Variants in SCAF4 observed in about 807,000 individuals in gnomAD.
The protein encoded by SCAF4 is SR-related and CTD-associated factor 4.
Under a neutral mutation model 129.8 loss-of-function variants are expected in SCAF4, and 25 were observed. The observed-to-expected ratio is 0.19, with a 90% CI of 0.14 to 0.27. The LOEUF (loss-of-function observed/expected upper bound fraction) is 0.27. Among genes scored for constraint, SCAF4 ranks in the 10% least tolerant of loss-of-function variants. SCAF4 has a pLI of 1.00. For synonymous variants in SCAF4, 551 were observed against 497.7 expected (o/e 1.11, Z -1.43); for missense variants, 1,246 against 1,457.1 (o/e 0.86, Z 2.36).
At chr21:31,683,555 T>TA (rs1273762652) in intron 19 of SCAF4, among the ~76,000 whole-genome samples, 1 of 152,092 alleles carries the variant, frequency 6.6e-6, no homozygotes, top group African/African-American at 2.4e-5. Context: ...TTAAACCCAG[T>TA]AAAAAACACA....
In SCAF4 at chr21:31,696,583, A is replaced by T; in HGVS notation, c.945T>A (p.Pro315=). The T allele has an allele frequency of 6.3e-7, 1 of 1,580,368 alleles. No homozygotes were observed. The highest frequency in any genetic ancestry group is 8.6e-7 in the Non-Finnish European group (1 of 1,167,046). The change falls in exon 8 of 20, where the codon CCT becomes CCA. Residue 315 remains proline (P), a synonymous_variant. Transcript: ENST00000286835. Reference sequence around the variant, plus strand: ...AAAAAACTAACAATGGTGCCTGTGGAGGAGGAGGAGAGGCAGCAGCGGGTG... The same window carrying T: ...AAAAAACTAACAATGGTGCCTGTGGTGGAGGAGGAGAGGCAGCAGCGGGTG... The part of the protein sequence containing the change: ...AAAPAAASPP[P]PQAPFGFPGD...
chr21:31,701,015 G>T lies in SCAF4; in HGVS notation c.757C>A (p.Gln253Lys). 1 of 1,614,110 alleles carries T rather than the reference G, an allele frequency of 6.2e-7. No homozygotes were observed. The highest frequency in any genetic ancestry group is 8.5e-7 in the Non-Finnish European group (1 of 1,180,002). The change falls in exon 7 of 20, where the codon CAG (glutamine) becomes AAG (lysine). Residue 253 changes from glutamine (Q) to lysine (K), a missense_variant. Physicochemically the swap from Gln to Lys is moderately conservative, Grantham distance 53. Transcript: ENST00000286835. ...EQKAAFPPPE[Q>K]KTAFDKKLLD... The stretch of plus-strand genomic sequence containing the variant: ...TATACCTTGTCAAATGCAGTTTTCT[G>T]TTCAGGTGGGGGGAAAGCAGCTTTT...
chr21:31,672,831 G>GA (rs1269128745), intron 19 of SCAF4, among the ~76,000 whole-genome samples: 2 of 152,152 alleles, frequency 1.3e-5, no homozygotes, highest in African/African-American at 4.8e-5. Flanking sequence ...GAAAACCCAG[G>GA]AAAGAGGAAG....
chr21:31,707,907 G>A (rs1009487815), intron 1 of SCAF4, among the ~76,000 whole-genome samples: 4 of 152,098 alleles, frequency 2.6e-5, no homozygotes, highest in African/African-American at 9.7e-5. Flanking sequence ...TACTTAAGCA[G>A]AAAATATAAT....
intron 7 of SCAF4, 102 bp downstream of exon 7, chr21:31,700,893 C>T (rs777878985): frequency 2.2e-5 from 27 of 1,253,762 alleles, no homozygotes; most frequent in African/African-American, 2.9e-5. Context: ...AATTACAAAA[C>T]GACATAATGA....
chr21:31,708,247 G>T (rs1435480387), intron 1 of SCAF4, among the ~76,000 whole-genome samples: 2 of 151,914 alleles, frequency 1.3e-5, no homozygotes, highest in Non-Finnish European at 2.9e-5. Flanking sequence ...ATGGTGGCGG[G>T]CACCTGTAGT....
intron 7 of SCAF4, among the ~76,000 whole-genome samples, chr21:31,697,170 T>C (rs2050408104): frequency 6.6e-6 from 1 of 151,946 alleles, no homozygotes; most frequent in Non-Finnish European, 1.5e-5. Flanking sequence ...ATAATGCATA[T>C]AGAAAAGTGT....
Position 31,681,230 on chromosome 21 carries a change from T to G in SCAF4, c.2488+3819A>C, listed in dbSNP as rs571501030. On this transcript the variant is annotated intron_variant, in intron 19 of 19. Coordinates refer to ENST00000286835, the MANE Select transcript of SCAF4 (RefSeq NM_020706.2). ...GGTGGTAATCTCTTCATATTGATAA[T>G]TAATGAATAAACATACTTGTCAAGA... Among the ~76,000 whole-genome samples the G allele has an allele frequency of 5.9e-5, 9 of 152,340 alleles. No individual in the cohort carries two copies. The South Asian group carries it at 1.9e-3, about 32-fold the overall frequency.
rs1378955195 is a variant in SCAF4, at chr21:31,671,225, TTTG to T, written c.*171_*173del. On this transcript the variant is annotated 3_prime_UTR_variant, in exon 20 of 20. Transcript: ENST00000286835. Reference sequence around the variant, plus strand: ...ATATTTATTCATATTTTCAGTATTTTTTGTTATTTTGTGGCTATTTTTAAATAG... The same window carrying T: ...ATATTTATTCATATTTTCAGTATTTTTTATTTTGTGGCTATTTTTAAATAG... 4 of 533,008 alleles carry T rather than the reference TTTG, an allele frequency of 7.5e-6. No individual in the cohort carries two copies. Among genetic ancestry groups the T allele is most frequent in the African/African-American group, 3.8e-5 (2 of 52,676 alleles). 33.0% of individuals were successfully genotyped at this position (533,008 alleles called of 1,614,324 possible).
intron 16 of SCAF4, among the ~76,000 whole-genome samples, chr21:31,686,142 G>T (rs942746519): frequency 6.7e-6 from 1 of 149,438 alleles, no homozygotes; most frequent in Non-Finnish European, 1.5e-5. Context: ...GGTGGAGGTT[G>T]CAGTGAGCCG....
intron 1 of SCAF4, among the ~76,000 whole-genome samples, chr21:31,711,509 C>T (rs1365213652): frequency 1.3e-5 from 2 of 152,198 alleles, no homozygotes; most frequent in Non-Finnish European, 2.9e-5. Context: ...TATGGTGAGG[C>T]AGATGTTATC....
chr21:31,695,763 T>C (rs2050370413), intron 9 of SCAF4, among the ~76,000 whole-genome samples: 1 of 152,206 alleles, frequency 6.6e-6, no homozygotes, highest in Admixed American at 6.5e-5. Flanking sequence ...TCCTGAATGT[T>C]CAGAGCTCAG....
intron 1 of SCAF4, among the ~76,000 whole-genome samples, chr21:31,723,640 G>GCA (rs2051133091): frequency 6.6e-6 from 1 of 151,466 alleles, no homozygotes; most frequent in African/African-American, 2.4e-5. Context: ...GCGCGCGCGC[G>GCA]CGCGCGCACA....
At chr21:31,707,171 T>C (rs1269450239) in intron 1 of SCAF4, among the ~76,000 whole-genome samples, 1 of 152,086 alleles carries the variant, frequency 6.6e-6, no homozygotes, top group Admixed American at 6.6e-5. Flanking sequence ...TTACTTTTTA[T>C]ATCCTATAAT....
At chr21:31,689,730 C>T (rs1381512546) in intron 15 of SCAF4, among the ~76,000 whole-genome samples, 36 of 150,736 alleles carry the variant, frequency 2.4e-4, no homozygotes, top group African/African-American at 8.3e-4. Flanking sequence ...GTCAGGAGTT[C>T]GAGGCCAGCC....
At chr21:31,711,170 G>GTGCATT (rs1359394507) in intron 1 of SCAF4, among the ~76,000 whole-genome samples, 1 of 152,104 alleles carries the variant, frequency 6.6e-6, no homozygotes, top group Non-Finnish European at 1.5e-5. Context: ...ATTTCAAGCT[G>GTGCATT]TGCATTTGCA....
intron 7 of SCAF4, among the ~76,000 whole-genome samples, chr21:31,698,900 T>A (rs1441580487): frequency 6.6e-6 from 1 of 152,234 alleles, no homozygotes; most frequent in South Asian, 2.1e-4. Flanking sequence ...AAGATAAATC[T>A]ATCTTTCATT....
chr21:31,713,879 T>C (rs1179385616), intron 1 of SCAF4, among the ~76,000 whole-genome samples: 1 of 152,166 alleles, frequency 6.6e-6, no homozygotes, highest in Non-Finnish European at 1.5e-5. Context: ...TTCAGTTACT[T>C]ATGACCAACA....
chr21:31,712,329 T>C (rs2050819617), intron 1 of SCAF4, among the ~76,000 whole-genome samples: 1 of 150,734 alleles, frequency 6.6e-6, no homozygotes, highest in African/African-American at 2.4e-5. Context: ...GCGATTCTCA[T>C]GCCTCAGCCT....
Sources: gnomAD v4.1 joint callset for allele counts (sites outside exome capture counted in the v4.1 genomes callset) on GRCh38, gnomAD v4.1.1 for gene constraint, MANE v1.5 for transcripts, NCBI Gene and HGNC (gene_info 2026-07-23, HGNC 2026-07-21) for gene names.